The following BABAM2 variants were observed in gnomAD, a reference collection of about 807,000 sequenced individuals.
The protein encoded by BABAM2 is BRISC and BRCA1 A complex member 2, also known as BRISC and BRCA1-A complex member 2.
A neutral mutation model predicts 54.7 loss-of-function variants in BABAM2; 31 were observed. The observed-to-expected ratio is 0.57, with a 90% CI of 0.43 to 0.77. BABAM2 has a LOEUF of 0.77. Among genes scored for constraint, BABAM2 ranks in the 30% least tolerant of loss-of-function variants. The pLI is 0.00. For synonymous variants in BABAM2, 167 were observed against 162.9 expected, an observed-to-expected ratio of 1.03 and a Z score of -0.19; for missense variants, 364 against 455.8, an observed-to-expected ratio of 0.80 and a Z score of 1.83.
chr2:27,984,357 A>G (rs557717015), intron 3 of BABAM2, among the ~76,000 whole-genome samples: 1 of 152,256 alleles, frequency 6.6e-6, no homozygotes, highest in African/African-American at 2.4e-5. Flanking sequence ...ATTTGAAAGA[A>G]TGAGTAATCA....
intron 10 of BABAM2, among the ~76,000 whole-genome samples, chr2:28,261,185 A>T (rs1573954406): frequency 6.6e-6 from 1 of 151,984 alleles, no homozygotes; most frequent in African/African-American, 2.4e-5. Context: ...CAAGTGATCC[A>T]CCCACCTCAG....
chr2:28,221,690 T>G (rs1680436816), intron 7 of BABAM2, among the ~76,000 whole-genome samples: 1 of 152,210 alleles, frequency 6.6e-6, no homozygotes, highest in East Asian at 1.9e-4. Context: ...TTGATTGAAA[T>G]TTGTCGTTTA....
intron 2 of BABAM2, among the ~76,000 whole-genome samples, chr2:27,900,911 C>T (rs752427445): frequency 8.6e-5 from 13 of 151,824 alleles, no homozygotes; most frequent in Non-Finnish European, 1.3e-4. Flanking sequence ...GGCATGGTAG[C>T]GGGTGCCTAT....
chr2:28,122,754 G>A (rs991457652), intron 6 of BABAM2, among the ~76,000 whole-genome samples: 1 of 151,972 alleles, frequency 6.6e-6, no homozygotes, highest in Non-Finnish European at 1.5e-5. Context: ...AATTGTACTT[G>A]GTTTACTTTC....
At chr2:27,991,304 T>C (rs1294883510) in intron 4 of BABAM2, among the ~76,000 whole-genome samples, 4 of 152,262 alleles carry the variant, frequency 2.6e-5, no homozygotes, top group Non-Finnish European at 5.9e-5. Flanking sequence ...AACAGAAGGC[T>C]GTTTGCCTTT....
At chr2:28,186,477 T>C (rs1676292112) in intron 7 of BABAM2, among the ~76,000 whole-genome samples, 1 of 152,068 alleles carries the variant, frequency 6.6e-6, no homozygotes, top group Non-Finnish European at 1.5e-5. Context: ...AAGTACATTC[T>C]AAAGAAGGCT....
chr2:27,958,464 T>C (rs1442741266), intron 3 of BABAM2, among the ~76,000 whole-genome samples: 2 of 138,672 alleles, frequency 1.4e-5, no homozygotes, highest in Non-Finnish European at 3.1e-5. Flanking sequence ...CTTTATATAT[T>C]TTATATATAT....
chr2:28,016,359 C>T (rs1674814955), intron 4 of BABAM2: 9 of 1,302,120 alleles, frequency 6.9e-6, no homozygotes, highest in South Asian at 5.9e-5. Context: ...TTTACTTCTT[C>T]CCAGGTAGGC....
intron 6 of BABAM2, among the ~76,000 whole-genome samples, chr2:28,062,977 C>T (rs908670964): frequency 2.0e-5 from 3 of 152,204 alleles, no homozygotes; most frequent in African/African-American, 7.2e-5. Context: ...CTGCCTAGCA[C>T]GTCTTTTCCC....
intron 7 of BABAM2, among the ~76,000 whole-genome samples, chr2:28,184,228 CTG>C (rs1459678175): frequency 6.6e-6 from 1 of 151,140 alleles, no homozygotes; most frequent in East Asian, 2.0e-4. Flanking sequence ...CTTTCTGTCT[CTG>C]TCTCTGTGTC....
intron 3 of BABAM2, among the ~76,000 whole-genome samples, chr2:27,940,352 C>G (rs2148379561): frequency 6.6e-6 from 1 of 152,232 alleles, no homozygotes; most frequent in East Asian, 1.9e-4. Flanking sequence ...TTTTTGTGTA[C>G]TGTATTTAAA....
At chr2:28,130,543 C>T (rs564095041) in intron 7 of BABAM2, among the ~76,000 whole-genome samples, 4 of 151,478 alleles carry the variant, frequency 2.6e-5, no homozygotes, top group East Asian at 3.9e-4. Flanking sequence ...GCCTTGACCT[C>T]CTGGGCTCAA....
intron 5 of BABAM2, among the ~76,000 whole-genome samples, chr2:28,026,925 T>A (rs1391011846): frequency 1.6e-4 from 5 of 30,692 alleles, no homozygotes; most frequent in Non-Finnish European, 2.1e-4. Context: ...TTAATATATA[T>A]AAATATATAT....
At chr2:28,335,482 T>G (rs770105763) in intron 11 of BABAM2, among the ~76,000 whole-genome samples, 6 of 152,244 alleles carry the variant, frequency 3.9e-5, no homozygotes, top group Non-Finnish European at 8.8e-5. Context: ...TCCCGCCTTC[T>G]TAAACAGCTT....
rs1304324001 is a variant in BABAM2 at position 28,184,950 on chromosome 2, T to C, written c.681-52252T>C. On this transcript the variant is annotated intron_variant, in intron 7 of 11. Coordinates refer to ENST00000379624, the MANE Select transcript of BABAM2 (RefSeq NM_199191.3). ...TCTTAAGACTTTATCTTGATAATTT[T>C]TTTCTTGGTTCATAATGAAATGGAA... is the stretch of plus-strand genomic sequence containing the variant. Among the ~76,000 whole-genome samples the C allele has an allele frequency of 3.9e-5, 6 of 152,218 alleles. 1 individual carries two copies. The highest frequency in any genetic ancestry group is 1.3e-4 in the Admixed American group (2 of 15,286).
chr2:28,001,320 A>G (rs764858293), intron 4 of BABAM2, among the ~76,000 whole-genome samples: 1 of 152,202 alleles, frequency 6.6e-6, no homozygotes, highest in East Asian at 1.9e-4. Flanking sequence ...AATTCCTACT[A>G]CAAACATGTA....
intron 5 of BABAM2, among the ~76,000 whole-genome samples, chr2:28,038,064 C>T (rs1676794227): frequency 1.3e-5 from 2 of 152,178 alleles, no homozygotes; most frequent in African/African-American, 4.8e-5. Context: ...GCTCAACAAA[C>T]CCCATCTGGG....
chr2:28,081,763 A>G (rs17006489), intron 6 of BABAM2, among the ~76,000 whole-genome samples: 25,772 of 152,108 alleles, frequency 0.17, 3,106 homozygotes, highest in African/African-American at 0.34. Context: ...AGAGGCCCAT[A>G]ATTTCTTTAG....
intron 6 of BABAM2, among the ~76,000 whole-genome samples, chr2:28,065,372 C>T (rs1006395555): frequency 6.6e-6 from 1 of 152,210 alleles, no homozygotes; most frequent in Non-Finnish European, 1.5e-5. Context: ...CTATGGCTAG[C>T]AGCAAATTAT....
Sources: gnomAD v4.1 joint callset for allele counts (sites outside exome capture counted in the v4.1 genomes callset) on GRCh38, gnomAD v4.1.1 for gene constraint, MANE v1.5 for transcripts, NCBI Gene and HGNC (gene_info 2026-07-23, HGNC 2026-07-21) for gene names.